The following DEPDC4 variants were observed in gnomAD, a reference collection of about 807,000 sequenced individuals.
DEPDC4 encodes DEP domain-containing protein 4.
In DEPDC4, 52 loss-of-function variants were observed where a neutral mutation model predicts 52.0. The observed-to-expected ratio is 1.00, with a 90% CI of 0.80 to 1.26. The LOEUF (loss-of-function observed/expected upper bound fraction) is 1.26, where lower values mean the gene tolerates loss of function less well. DEPDC4 is among the 50% of genes most tolerant of loss of function. DEPDC4 has a pLI of 0.00. For missense variants in DEPDC4, 530 were observed against 546.9 expected (o/e 0.97, Z 0.31); for synonymous variants, 201 against 196.8 (o/e 1.02, Z -0.18).
intron 5 of DEPDC4, 132 bp from the exon 6 acceptor site, chr12:100,252,668 T>G: frequency 1.2e-6 from 1 of 812,562 alleles, no homozygotes; most frequent in Non-Finnish European, 1.8e-6. Context: ...AATTAAAATT[T>G]TTTATTATGG....
At chr12:100,234,010 G>A (rs1301032822) in intron 9 of DEPDC4, among the ~76,000 whole-genome samples, 1 of 152,138 alleles carries the variant, frequency 6.6e-6, no homozygotes, top group Non-Finnish European at 1.5e-5. Flanking sequence ...AGGAGGCTGA[G>A]GTGGGAGAAT....
At chr12:100,272,730 C>T in the DEPDC4 span, among the ~76,000 whole-genome samples, 9 of 152,164 alleles carry the variant, frequency 5.9e-5, no homozygotes, top group Middle Eastern at 3.4e-3. Flanking sequence ...TTCTTAGTTT[C>T]GTTCTTTTCT....
chr12:100,233,887 A>AT (rs1369240482), intron 9 of DEPDC4, among the ~76,000 whole-genome samples: 1 of 152,004 alleles, frequency 6.6e-6, no homozygotes, highest in Non-Finnish European at 1.5e-5. Flanking sequence ...TCAAAAAAAA[A>AT]TTTTTTTTGG....
chr12:100,281,020 T>TTTTTTTG, the DEPDC4 span, among the ~76,000 whole-genome samples: 1 of 67,016 alleles, frequency 1.5e-5, no homozygotes, highest in Non-Finnish European at 3.1e-5. Context: ...ACCATCAGTG[T>TTTTTTTG]TTTTTTTTTT....
intron 2 of DEPDC4, 26 bp downstream of exon 2, chr12:100,263,471 A>T: frequency 6.6e-7 from 1 of 1,519,728 alleles, no homozygotes; most frequent in Non-Finnish European, 8.8e-7. Context: ...AATAAAATAT[A>T]TTACAGTATC....
intron 8 of DEPDC4, among the ~76,000 whole-genome samples, chr12:100,245,362 G>T (rs895414790): frequency 5.9e-5 from 9 of 152,088 alleles, no homozygotes; most frequent in Non-Finnish European, 7.4e-5. Flanking sequence ...CACCTCCCGG[G>T]TTCAAGCAAT....
upstream of DEPDC4, among the ~76,000 whole-genome samples, chr12:100,271,993 T>G (rs1456811504): frequency 6.6e-6 from 1 of 152,198 alleles, no homozygotes; most frequent in East Asian, 1.9e-4. Flanking sequence ...GCTGTAATAC[T>G]CATCCTACTT....
At chr12:100,258,928 G>A (rs888197121) in intron 3 of DEPDC4, among the ~76,000 whole-genome samples, 2 of 151,946 alleles carry the variant, frequency 1.3e-5, no homozygotes, top group African/African-American at 4.8e-5. Context: ...AAAATTAGCT[G>A]TGTGTCATGG....
In DEPDC4 at chr12:100,240,733, G is replaced by A. The variant is rs1229626176; in HGVS notation, c.*1159C>T. Among the ~76,000 whole-genome samples, 2 of 152,142 alleles carry A rather than the reference G, an allele frequency of 1.3e-5. No homozygotes were observed. The highest frequency in any genetic ancestry group is 2.9e-5 in the Non-Finnish European group (2 of 68,010). ...GAGAAATCACAGTTTTGATGTTTAC[G>A]AATTTTTAATTTGTGGCCTTTTAAA... is the stretch of plus-strand genomic sequence containing the variant. On this transcript the variant is annotated 3_prime_UTR_variant, in exon 10 of 10. Coordinates refer to ENST00000550587, the MANE Select transcript of DEPDC4 (RefSeq NM_001364818.2).
the DEPDC4 span, among the ~76,000 whole-genome samples, chr12:100,277,694 C>T: frequency 1.3e-5 from 2 of 152,136 alleles, no homozygotes; most frequent in Non-Finnish European, 2.9e-5. Context: ...AAATTATTTA[C>T]ACTTAATGTA....
chr12:100,237,476 G>C (rs2096143189), downstream of DEPDC4, among the ~76,000 whole-genome samples: 1 of 152,148 alleles, frequency 6.6e-6, no homozygotes, highest in Non-Finnish European at 1.5e-5. Context: ...CCAAAGTGCT[G>C]GGATTACAGG....
chr12:100,248,848 T>C (rs2096196402), intron 8 of DEPDC4, 52 bp downstream of exon 8: 1 of 820,572 alleles, frequency 1.2e-6, no homozygotes, highest in Non-Finnish European at 1.5e-6. Flanking sequence ...CCCAACTCAT[T>C]TGGCAACAAC....
intron 4 of DEPDC4, among the ~76,000 whole-genome samples, chr12:100,254,716 CCT>C (rs201799540): frequency 0.013 from 1,952 of 151,914 alleles, 43 homozygotes; most frequent in African/African-American, 0.044. Flanking sequence ...TCCCTCCTTC[CCT>C]CTCTTTCTTC....
At chr12:100,232,658 C>A (rs950012461) in intron 9 of DEPDC4, among the ~76,000 whole-genome samples, 2 of 151,970 alleles carry the variant, frequency 1.3e-5, no homozygotes, top group Non-Finnish European at 2.9e-5. Flanking sequence ...CCAAGGTGGG[C>A]GGATCACCTG....
the DEPDC4 span, among the ~76,000 whole-genome samples, chr12:100,281,017 G>GTGTTTTGTTTTT: frequency 1.1e-5 from 1 of 91,694 alleles, no homozygotes; most frequent in African/African-American, 4.5e-5. Context: ...TTTACCATCA[G>GTGTTTTGTTTTT]TGTTTTTTTT....
intron 3 of DEPDC4, chr12:100,257,789 C>T (rs537097783): frequency 6.6e-6 from 1 of 152,216 alleles, no homozygotes; most frequent in Non-Finnish European, 1.5e-5. Flanking sequence ...TTTGGACCAG[C>T]CTGGTTTTCC....
chr12:100,246,735 G>A (rs951725577), intron 8 of DEPDC4, among the ~76,000 whole-genome samples: 5 of 152,042 alleles, frequency 3.3e-5, no homozygotes, highest in African/African-American at 4.8e-5. Context: ...TCAGGAGTTC[G>A]AGACCAGCCT....
At chr12:100,255,711 G>C (rs1397003282) in intron 4 of DEPDC4, among the ~76,000 whole-genome samples, 1 of 152,016 alleles carries the variant, frequency 6.6e-6, no homozygotes, top group African/African-American at 2.4e-5. Flanking sequence ...TCTAGACTAC[G>C]GTTTCTTTTA....
chr12:100,252,913 CAT>C (rs2096214488), intron 5 of DEPDC4, among the ~76,000 whole-genome samples: 1 of 152,124 alleles, frequency 6.6e-6, no homozygotes, highest in Non-Finnish European at 1.5e-5. Flanking sequence ...TGTACTATAA[CAT>C]ATGTTTCTTT....
Sources: allele counts gnomAD v4.1 joint callset (sites outside exome capture counted in the v4.1 genomes callset), GRCh38; gene constraint gnomAD v4.1.1; transcripts MANE v1.5; gene names NCBI Gene and HGNC (gene_info 2026-07-23, HGNC 2026-07-21).